Variants in LINGO2 observed in about 807,000 individuals in gnomAD.
The protein encoded by LINGO2 is leucine rich repeat and Ig domain containing 2.
A neutral mutation model predicts 30.6 loss-of-function variants in LINGO2; 14 were observed. The ratio of observed to expected loss-of-function variants is 0.46; its 90% CI spans 0.30 to 0.72. The LOEUF (loss-of-function observed/expected upper bound fraction) is 0.72. LINGO2 is among the 30% of genes least tolerant of loss of function. LINGO2 has a pLI of 0.07. For synonymous variants in LINGO2, 317 were observed against 288.5 expected (o/e 1.10, Z -1.00); for missense variants, 729 against 751.7 (o/e 0.97, Z 0.35).
At chr9:28,660,163 T>C (rs897660219) in intron 1 of LINGO2, among the ~76,000 whole-genome samples, 1 of 152,170 alleles carries the variant, frequency 6.6e-6, no homozygotes, top group South Asian at 2.1e-4. Context: ...TATATTATTG[T>C]GAAAGTGAAT....
intron 4 of LINGO2, among the ~76,000 whole-genome samples, chr9:28,124,868 C>A (rs1827194603): frequency 6.6e-6 from 1 of 152,040 alleles, no homozygotes; most frequent in African/African-American, 2.4e-5. Flanking sequence ...CTCTAGCGAA[C>A]AAAAATAAAT....
the LINGO2 span, among the ~76,000 whole-genome samples, chr9:29,181,297 T>A: frequency 6.6e-6 from 1 of 152,208 alleles, no homozygotes; most frequent in African/African-American, 2.4e-5. Flanking sequence ...AATGGGTTCT[T>A]TGTAGAAAAG....
intron 4 of LINGO2, among the ~76,000 whole-genome samples, chr9:28,063,821 T>A (rs1469681290): frequency 6.6e-6 from 1 of 152,120 alleles, no homozygotes; most frequent in Non-Finnish European, 1.5e-5. Flanking sequence ...CAGAAATGCT[T>A]CATTATAATT....
chr9:28,895,784 G>T, the LINGO2 span, among the ~76,000 whole-genome samples: 2 of 151,944 alleles, frequency 1.3e-5, no homozygotes, highest in South Asian at 4.1e-4. Flanking sequence ...CTTAGTAATG[G>T]GATGACTTTT....
chr9:28,476,555 G>A (rs1022798095), intron 1 of LINGO2, among the ~76,000 whole-genome samples: 1 of 152,198 alleles, frequency 6.6e-6, no homozygotes, highest in African/African-American at 2.4e-5. Flanking sequence ...GATTACAGGC[G>A]TGAGCCACCG....
chr9:28,699,699 C>A, the LINGO2 span, among the ~76,000 whole-genome samples: 1 of 151,880 alleles, frequency 6.6e-6, no homozygotes, highest in African/African-American at 2.4e-5. Flanking sequence ...TTGCTAAATT[C>A]TTTTCCTAGG....
At chr9:28,970,083 G>A in the LINGO2 span, among the ~76,000 whole-genome samples, 1 of 152,050 alleles carries the variant, frequency 6.6e-6, no homozygotes, top group Non-Finnish European at 1.5e-5. Context: ...GATAGGAAGG[G>A]GAAGAAAGGG....
At chr9:27,960,418 T>C (rs928618776) in intron 5 of LINGO2, among the ~76,000 whole-genome samples, 1 of 152,208 alleles carries the variant, frequency 6.6e-6, no homozygotes, top group African/African-American at 2.4e-5. Flanking sequence ...CAGACAATAT[T>C]TGCTTTGCCA....
the LINGO2 span, among the ~76,000 whole-genome samples, chr9:28,719,989 T>C: frequency 2.6e-5 from 4 of 152,028 alleles, no homozygotes; most frequent in Admixed American, 2.0e-4. Context: ...TCAGAACATA[T>C]AATATCTTCT....
chr9:28,779,296 T>C, the LINGO2 span, among the ~76,000 whole-genome samples: 1,301 of 152,284 alleles, frequency 8.5e-3, 15 homozygotes, highest in Non-Finnish European at 0.012. Flanking sequence ...TTTGGGCAGC[T>C]TTTTACATAA....
intron 4 of LINGO2, among the ~76,000 whole-genome samples, chr9:28,255,009 A>T (rs1822335065): frequency 6.6e-6 from 1 of 152,104 alleles, no homozygotes; most frequent in Non-Finnish European, 1.5e-5. Context: ...ACATAAATCC[A>T]TGTAACACCT....
chr9:28,551,440 T>C (rs963386517), intron 1 of LINGO2, among the ~76,000 whole-genome samples: 1 of 151,982 alleles, frequency 6.6e-6, no homozygotes, highest in Non-Finnish European at 1.5e-5. Context: ...CAAACTATTA[T>C]TGAAATAGTT....
intron 2 of LINGO2, among the ~76,000 whole-genome samples, chr9:28,383,261 T>C (rs369731202): frequency 7.0e-6 from 1 of 142,528 alleles, no homozygotes; most frequent in African/African-American, 2.9e-5. Context: ...TCATTGTGTG[T>C]GTGTGTGTGT....
chr9:28,568,779 C>G (rs1422554707), intron 1 of LINGO2, among the ~76,000 whole-genome samples: 1 of 151,974 alleles, frequency 6.6e-6, no homozygotes, highest in Non-Finnish European at 1.5e-5. Context: ...TGGATAAAAA[C>G]TTACCTAGAT....
chr9:28,445,198 C>T (rs928621807), intron 2 of LINGO2, among the ~76,000 whole-genome samples: 12 of 152,228 alleles, frequency 7.9e-5, no homozygotes, highest in Admixed American at 2.6e-4. Flanking sequence ...CAGAAGTTAT[C>T]GTTATTTCTT....
At chr9:28,848,690 C>A in the LINGO2 span, among the ~76,000 whole-genome samples, 1 of 151,010 alleles carries the variant, frequency 6.6e-6, no homozygotes, top group Non-Finnish European at 1.5e-5. Flanking sequence ...GAGATGACAC[C>A]ATGAGAGTGA....
Position 28,435,534 on chromosome 9 carries a change from C to T in LINGO2, c.-279+40406G>A, listed in dbSNP as rs143770529. Among the ~76,000 whole-genome samples, 936 of 152,288 alleles carry T rather than the reference C, an allele frequency of 6.1e-3. 7 individuals carry two copies. The highest frequency in any genetic ancestry group is 8.6e-3 in the Non-Finnish European group (582 of 68,002). ...TGAGGTTTGATGCCCAATTGTCATT[C>T]TATCTGACATCAAGATTACTGTGAA... On this transcript the variant is annotated intron_variant, in intron 2 of 5. Coordinates refer to ENST00000379992, the Ensembl canonical transcript of LINGO2.
At chr9:28,418,272 G>A (rs1035335874) in intron 2 of LINGO2, among the ~76,000 whole-genome samples, 4 of 123,944 alleles carry the variant, frequency 3.2e-5, no homozygotes, top group Non-Finnish European at 6.6e-5. Flanking sequence ...GTTAGGCCAT[G>A]TACTTTTTTT....
chr9:28,117,760 T>C (rs1454870904), intron 4 of LINGO2, among the ~76,000 whole-genome samples: 3 of 149,806 alleles, frequency 2.0e-5, no homozygotes, highest in Non-Finnish European at 4.4e-5. Flanking sequence ...TGCCTTGCCC[T>C]GCTTCGGCTC....
Sources: gnomAD v4.1 joint callset for allele counts (sites outside exome capture counted in the v4.1 genomes callset) on GRCh38, gnomAD v4.1.1 for gene constraint, MANE v1.5 for transcripts, NCBI Gene and HGNC (gene_info 2026-07-23, HGNC 2026-07-21) for gene names.